Variants in CHRM3 observed in about 807,000 individuals in gnomAD.
CHRM3 encodes cholinergic receptor muscarinic 3.
CHRM3 carries 11 observed loss-of-function variants against 41.8 expected under a neutral mutation model. The observed-to-expected ratio is 0.26, with a 90% CI of 0.17 to 0.44. The LOEUF is 0.44. Ranked by LOEUF, CHRM3 falls within the 20% of genes least tolerant of loss-of-function variation. The pLI, the probability that CHRM3 is intolerant of heterozygous loss-of-function variation, is 1.00. For synonymous variants in CHRM3, 297 were observed against 301.4 expected, an observed-to-expected ratio of 0.99 and a Z score of 0.15; for missense variants, 571 against 745.4, an observed-to-expected ratio of 0.77 and a Z score of 2.72.
intron 6 of CHRM3, among the ~76,000 whole-genome samples, chr1:239,864,201 A>G (rs988359305): frequency 6.6e-6 from 1 of 152,054 alleles, no homozygotes; most frequent in Non-Finnish European, 1.5e-5. Flanking sequence ...CCCCACCAAA[A>G]AAACTCTGAA....
At position 239,708,736 on chromosome 1, in the gene CHRM3, C is replaced by CTTTTTTTTTTTTTTTTTTT. The variant is rs869143310; in HGVS notation, c.-147+30457_-147+30475dup. Among the ~76,000 whole-genome samples the CTTTTTTTTTTTTTTTTTTT allele has an allele frequency of 2.1e-4, 10 of 48,340 alleles. 2 individuals are homozygous for CTTTTTTTTTTTTTTTTTTT. The highest frequency in any genetic ancestry group is 2.8e-4 in the Non-Finnish European group (8 of 28,522). 31.7% of individuals were successfully genotyped at this position (48,340 alleles called of 152,430 possible). ...CTTTGTTTCTTCTGGTTTAAATTTT[C>CTTTTTTTTTTTTTTTTTTT]TTTTTTTTTTTTTTTTTTTTTTTTT... is the stretch of plus-strand genomic sequence containing the variant. On this transcript the variant is annotated intron_variant, in intron 5 of 6. Transcript: ENST00000676153.
chr1:239,523,478 G>A (rs1055071725), intron 2 of CHRM3, among the ~76,000 whole-genome samples: 3 of 152,188 alleles, frequency 2.0e-5, no homozygotes, highest in African/African-American at 4.8e-5. Context: ...CAGAAAAGCC[G>A]ATGAATGGAA....
chr1:239,602,933 C>T (rs1047331883), intron 3 of CHRM3, among the ~76,000 whole-genome samples: 2 of 152,126 alleles, frequency 1.3e-5, no homozygotes, highest in African/African-American at 4.8e-5. Context: ...TTACTAAGTA[C>T]ACTGTTGTTG....
At chr1:239,880,218 GA>G (rs1677473816) in intron 6 of CHRM3, among the ~76,000 whole-genome samples, 1 of 152,168 alleles carries the variant, frequency 6.6e-6, no homozygotes, top group Non-Finnish European at 1.5e-5. Context: ...CTCTTCATAG[GA>G]CTCATGTTTA....
At chr1:239,463,592 GAAAA>G (rs1665512641) in intron 1 of CHRM3, among the ~76,000 whole-genome samples, 1 of 152,058 alleles carries the variant, frequency 6.6e-6, no homozygotes, top group African/African-American at 2.4e-5. Context: ...AGGAAATTGT[GAAAA>G]TACAGGACTA....
chr1:239,812,978 C>G (rs1572375070), intron 5 of CHRM3, among the ~76,000 whole-genome samples: 1 of 152,146 alleles, frequency 6.6e-6, no homozygotes, highest in Non-Finnish European at 1.5e-5. Context: ...ATGAAACTTC[C>G]TTTAAAAAAT....
intron 5 of CHRM3, among the ~76,000 whole-genome samples, chr1:239,737,706 G>C (rs11579382): frequency 0.4 from 61,201 of 151,938 alleles, 12,640 homozygotes; most frequent in Middle Eastern, 0.51. Context: ...TGTTTGTAAT[G>C]TTATGCTGCT....
chr1:239,654,991 G>C (rs1326326885), intron 4 of CHRM3, among the ~76,000 whole-genome samples: 1 of 152,182 alleles, frequency 6.6e-6, no homozygotes, highest in Non-Finnish European at 1.5e-5. Flanking sequence ...TAATTCATCT[G>C]CTACTGGACG....
chr1:239,643,953 A>G (rs1671492861), intron 4 of CHRM3, among the ~76,000 whole-genome samples: 1 of 152,230 alleles, frequency 6.6e-6, no homozygotes, highest in South Asian at 2.1e-4. Context: ...ATGCTTTATA[A>G]GAACAAGTAG....
intron 6 of CHRM3, among the ~76,000 whole-genome samples, chr1:239,832,801 C>T (rs192877356): frequency 2.6e-5 from 4 of 152,126 alleles, no homozygotes; most frequent in East Asian, 1.9e-4. Context: ...ATATTTTGCA[C>T]GTATCGATAT....
At chr1:239,716,545 T>C (rs1325367412) in intron 5 of CHRM3, among the ~76,000 whole-genome samples, 1 of 152,128 alleles carries the variant, frequency 6.6e-6, no homozygotes, top group Non-Finnish European at 1.5e-5. Flanking sequence ...AAGGCTTCAC[T>C]GGGACTCCAG....
intron 5 of CHRM3, among the ~76,000 whole-genome samples, chr1:239,799,660 T>C (rs1053309444): frequency 6.6e-6 from 1 of 152,210 alleles, no homozygotes; most frequent in Admixed American, 6.5e-5. Flanking sequence ...ACTTTATTGC[T>C]TTTTGTGCCA....
At chr1:239,575,693 A>G (rs2148559405) in intron 3 of CHRM3, among the ~76,000 whole-genome samples, 1 of 152,084 alleles carries the variant, frequency 6.6e-6, no homozygotes, top group African/African-American at 2.4e-5. Context: ...CGGTCATGGG[A>G]AGTCATCAGT....
intron 3 of CHRM3, among the ~76,000 whole-genome samples, chr1:239,598,777 A>T (rs919629885): frequency 1.3e-5 from 2 of 152,048 alleles, no homozygotes; most frequent in African/African-American, 2.4e-5. Context: ...TTCAAAATGG[A>T]GAATGCTTTT....
chr1:239,481,286 A>G (rs1666835904), intron 1 of CHRM3, among the ~76,000 whole-genome samples: 1 of 152,198 alleles, frequency 6.6e-6, no homozygotes, highest in East Asian at 1.9e-4. Context: ...CTATGTATAG[A>G]CTACTAATAG....
chr1:239,896,686 T>G (rs1223710022), intron 6 of CHRM3, among the ~76,000 whole-genome samples: 2 of 152,178 alleles, frequency 1.3e-5, no homozygotes, highest in African/African-American at 4.8e-5. Context: ...TATCAACATC[T>G]TAGCAGCCTT....
At chr1:239,471,655 A>AG (rs1369176280) in intron 1 of CHRM3, among the ~76,000 whole-genome samples, 1 of 152,194 alleles carries the variant, frequency 6.6e-6, no homozygotes, top group African/African-American at 2.4e-5. Flanking sequence ...TCTCCCACTG[A>AG]GGAGGTCTCA....
intron 5 of CHRM3, among the ~76,000 whole-genome samples, chr1:239,765,114 TG>T (rs1324168170): frequency 1.3e-5 from 2 of 152,234 alleles, no homozygotes; most frequent in Non-Finnish European, 1.5e-5. Context: ...GATGAGGTGA[TG>T]GGACCGGTCA....
chr1:239,613,523 C>T (rs921146874), intron 3 of CHRM3, among the ~76,000 whole-genome samples: 5 of 152,132 alleles, frequency 3.3e-5, no homozygotes, highest in East Asian at 3.9e-4. Flanking sequence ...AATTCATAGT[C>T]GGCATCCCAG....
Sources: gnomAD v4.1 joint callset for allele counts (sites outside exome capture counted in the v4.1 genomes callset) on GRCh38, gnomAD v4.1.1 for gene constraint, MANE v1.5 for transcripts, NCBI Gene and HGNC (gene_info 2026-07-23, HGNC 2026-07-21) for gene names.